RIPOR2: variants seen among roughly 807,000 people sequenced by gnomAD.
RIPOR2 encodes rho family-interacting cell polarization regulator 2.
RIPOR2 carries 39 observed loss-of-function variants against 114.5 expected under a neutral mutation model. The observed-to-expected ratio is 0.34, with a 90% confidence interval of 0.26 to 0.44. The LOEUF (loss-of-function observed/expected upper bound fraction) is 0.44, where lower values mean the gene tolerates loss of function less well. Among genes scored for constraint, RIPOR2 ranks in the 20% least tolerant of loss-of-function variants. The pLI, the probability that RIPOR2 is intolerant of heterozygous loss-of-function variation, is 1.00. For synonymous variants in RIPOR2, 445 were observed against 484.4 expected (o/e 0.92, Z 1.07); for missense variants, 1,007 against 1,255.1 (o/e 0.80, Z 2.99).
chr6:24,903,708 G>C (rs1448689745), intron 1 of RIPOR2, among the ~76,000 whole-genome samples: 8 of 151,896 alleles, frequency 5.3e-5, no homozygotes, highest in African/African-American at 1.9e-4. Flanking sequence ...GATAAATGGG[G>C]GTATCCTCCA....
chr6:24,864,642 G>C (rs1305310827), intron 7 of RIPOR2, among the ~76,000 whole-genome samples: 1 of 152,184 alleles, frequency 6.6e-6, no homozygotes, highest in Non-Finnish European at 1.5e-5. Context: ...AAAGACATTG[G>C]TATTAGGTGA....
chr6:24,935,805 C>T, intron 1 of RIPOR2, 33 bp downstream of exon 1: 2 of 1,492,500 alleles, frequency 1.3e-6, no homozygotes, highest in Non-Finnish European at 1.8e-6. Flanking sequence ...GCAAAGCAGA[C>T]CGGAGAGCCT....
At chr6:24,930,180 T>C (rs1296135366) in intron 1 of RIPOR2, among the ~76,000 whole-genome samples, 1 of 152,112 alleles carries the variant, frequency 6.6e-6, no homozygotes, top group Non-Finnish European at 1.5e-5. Context: ...GAGGTGGGAG[T>C]GCAACCCTCC....
chr6:24,809,568 T>G, intron 21 of RIPOR2, 149 bp downstream of exon 21: 1 of 633,032 alleles, frequency 1.6e-6, no homozygotes, highest in Non-Finnish European at 2.8e-6. Context: ...CTTCGTACTC[T>G]GTGTGTGAGA....
intron 17 of RIPOR2, among the ~76,000 whole-genome samples, chr6:24,829,270 C>T (rs1209661401): frequency 2.6e-5 from 4 of 151,998 alleles, no homozygotes; most frequent in Non-Finnish European, 4.4e-5. Context: ...GCTGAGATCG[C>T]GCCATTGCAC....
At chr6:24,926,393 C>G (rs142799590) in intron 1 of RIPOR2, among the ~76,000 whole-genome samples, 131 of 152,300 alleles carry the variant, frequency 8.6e-4, no homozygotes, top group African/African-American at 2.8e-3. Flanking sequence ...ACATGTTTCT[C>G]CCTTGGATAC....
intron 1 of RIPOR2, among the ~76,000 whole-genome samples, chr6:25,027,612 T>G (rs1414532919): frequency 6.6e-6 from 1 of 152,238 alleles, no homozygotes; most frequent in Non-Finnish European, 1.5e-5. Context: ...AGGGGCATCT[T>G]CTGCTAAGCA....
intron 1 of RIPOR2, among the ~76,000 whole-genome samples, chr6:24,881,833 CTG>C: frequency 6.6e-6 from 1 of 152,142 alleles, no homozygotes; most frequent in African/African-American, 2.4e-5. Flanking sequence ...GACAAGAACA[CTG>C]AATCTGAAGA....
At chr6:24,957,730 C>G (rs988316127) in intron 1 of RIPOR2, among the ~76,000 whole-genome samples, 1 of 148,058 alleles carries the variant, frequency 6.8e-6, no homozygotes, top group Non-Finnish European at 1.5e-5. Context: ...AAAAAATTAG[C>G]TGGGCATGGT....
In RIPOR2 at chr6:24,923,597, C is replaced by A. The variant is rs529498925; in HGVS notation, c.61+12241G>T. Among the ~76,000 whole-genome samples the A allele has an allele frequency of 2.4e-4, 36 of 152,236 alleles. No individual in the cohort carries two copies. The East Asian group carries it at 6.6e-3, about 28-fold the overall frequency. On this transcript the variant is annotated intron_variant, in intron 1 of 21. Transcript: ENST00000643898. ...CGGCGGCTCACTCCTGTAATTCCAG[C>A]ATTTTGGGAGGCTGAGGTGGGTAGA...
intron 1 of RIPOR2, chr6:25,041,732 G>A (rs1777466813): frequency 1.6e-6 from 1 of 616,632 alleles, no homozygotes; most frequent in East Asian, 2.8e-5. Context: ...CAGGAAAGTG[G>A]AAGAGAGGAG....
chr6:25,037,513 T>C lies in RIPOR2; in HGVS notation c.76+4338A>G, dbSNP rs1022336021. On this transcript the variant is annotated intron_variant, in intron 1 of 13. Transcript: ENST00000510784. The surrounding 1 kb of genome is among the most constrained non-coding windows in gnomAD (Gnocchi z 4.5). Reference sequence around the variant, plus strand: ...TTGACAGGGTTTACAGGACACCAGATAGGTCCTTCTCCCGAATGTCTGCTC... The same window carrying C: ...TTGACAGGGTTTACAGGACACCAGACAGGTCCTTCTCCCGAATGTCTGCTC... 3.3e-5 allele frequency among the ~76,000 whole-genome samples: 5 copies of C among 152,198 alleles called. No homozygotes were observed. The highest frequency in any genetic ancestry group is 9.7e-5 in the African/African-American group (4 of 41,444).
intron 21 of RIPOR2, among the ~76,000 whole-genome samples, chr6:24,808,336 C>G (rs1581453011): frequency 6.6e-6 from 1 of 152,340 alleles, no homozygotes; most frequent in Admixed American, 6.5e-5. Flanking sequence ...GGCTTACCTT[C>G]ATGGTTATTT....
In RIPOR2 at chr6:25,029,726, C is replaced by A. The variant is rs189427203; in HGVS notation, c.76+12125G>T. On this transcript the variant is annotated intron_variant, in intron 1 of 13. Coordinates refer to the RIPOR2 transcript ENST00000510784. ...GATTATGCTTCTCATCTTAAAAAAA[C>A]CAGATATCTTCATTTTGTAACTGCT... is the stretch of plus-strand genomic sequence containing the variant. 6.6e-5 allele frequency among the ~76,000 whole-genome samples: 10 copies of A among 152,212 alleles called. No individual in the cohort carries two copies. In the East Asian group the frequency reaches 1.7e-3, roughly 26 times the overall value.
chr6:24,927,058 C>T (rs1330913373), intron 1 of RIPOR2, among the ~76,000 whole-genome samples: 1 of 252 alleles, frequency 4.0e-3, no homozygotes, highest in Non-Finnish European at 5.4e-3. Context: ...CTACCACCAC[C>T]ACCACCACCA....
At chr6:24,807,348 C>G (rs1052818155) in intron 21 of RIPOR2, among the ~76,000 whole-genome samples, 18 of 152,136 alleles carry the variant, frequency 1.2e-4, no homozygotes, top group African/African-American at 4.1e-4. Flanking sequence ...TGGAATCCAC[C>G]TGTAGTCCCA....
chr6:24,891,794 A>T (rs1273476298), intron 1 of RIPOR2, among the ~76,000 whole-genome samples: 2 of 152,178 alleles, frequency 1.3e-5, no homozygotes, highest in Non-Finnish European at 2.9e-5. Context: ...AGCTTCCACA[A>T]TCCTCTTGCC....
chr6:24,900,241 C>G (rs1458738571), intron 1 of RIPOR2, among the ~76,000 whole-genome samples: 2 of 152,128 alleles, frequency 1.3e-5, no homozygotes, highest in African/African-American at 4.8e-5. Context: ...CAGCACAGCC[C>G]AGACTCTGAT....
chr6:24,867,738 A>C (rs1423287648), intron 6 of RIPOR2, among the ~76,000 whole-genome samples: 1 of 152,256 alleles, frequency 6.6e-6, no homozygotes, highest in Non-Finnish European at 1.5e-5. Flanking sequence ...AAGTATACCT[A>C]GGTAGTCACC....
Sources: allele counts gnomAD v4.1 joint callset (sites outside exome capture counted in the v4.1 genomes callset), GRCh38; gene constraint gnomAD v4.1.1; non-coding constraint Gnocchi (gnomAD v3.1); transcripts MANE v1.5; gene names NCBI Gene and HGNC (gene_info 2026-07-23, HGNC 2026-07-21).